The following TMEM181 variants were observed in gnomAD, a reference collection of about 807,000 sequenced individuals.
TMEM181 encodes G protein-coupled receptor 178.
In TMEM181, 39 loss-of-function variants were observed where a neutral mutation model predicts 71.9. The observed-to-expected ratio is 0.54, with a 90% CI of 0.42 to 0.71. The LOEUF (loss-of-function observed/expected upper bound fraction) is 0.71. Among genes scored for constraint, TMEM181 ranks in the 30% least tolerant of loss-of-function variants. The pLI is 0.00. For synonymous variants in TMEM181, 245 were observed against 228.8 expected (o/e 1.07, Z -0.64); for missense variants, 595 against 583.0 (o/e 1.02, Z -0.21).
chr6:158,553,795 T>C (rs9355659), intron 1 of TMEM181, among the ~76,000 whole-genome samples: 93,120 of 152,158 alleles, frequency 0.61, 28,889 homozygotes, highest in East Asian at 0.73. Context: ...TTAATTAATA[T>C]AGAGAGCAAG....
chr6:158,580,425 A>G (rs773530298), intron 2 of TMEM181, among the ~76,000 whole-genome samples: 1 of 152,232 alleles, frequency 6.6e-6, no homozygotes, highest in Non-Finnish European at 1.5e-5. Context: ...ATTGGAAAAA[A>G]AACTATGAGG....
chr6:158,608,449 G>A lies in TMEM181; in HGVS notation c.790G>A (p.Gly264Arg), dbSNP rs904377351. The A allele has an allele frequency of 1.9e-6, 3 of 1,614,206 alleles. No individual in the cohort carries two copies. Among genetic ancestry groups the A allele is most frequent in the Admixed American group, 1.7e-5 (1 of 60,034 alleles). Residue 264 changes from glycine (G) to arginine (R), a missense_variant, in exon 9 of 17, where the codon GGG (glycine) becomes AGG (arginine). Gly to Arg is a moderately radical substitution (Grantham distance 125). Transcript: ENST00000684151. ...LLLFWLCVYH[G>R]IRVQGERKCL... ...GCTCTTCTGGCTGTGCGTGTACCACGGGATTCGTGTCCAGGTGAGCCGGAG... is the reference window on the plus strand; with the variant it reads ...GCTCTTCTGGCTGTGCGTGTACCACAGGATTCGTGTCCAGGTGAGCCGGAG...
In TMEM181 at chr6:158,589,707, C is replaced by T. The variant is rs753473890; in HGVS notation, c.417C>T (p.Tyr139=). Residue 139 remains tyrosine (Y), a synonymous_variant, in exon 6 of 17, where the codon TAC becomes TAT. Transcript: ENST00000684151. ...AGATTATTGTGGCTCACCTTGGCTA[C>T]CTGAACTACACTCAGTATACAGTGA... The part of the protein sequence containing the change: ...CAEIIVAHLG[Y]LNYTQYTVIV... 4.3e-6 allele frequency: 7 copies of T among 1,614,102 alleles called. No homozygotes were observed. The highest frequency in any genetic ancestry group is 1.1e-5 in the South Asian group (1 of 91,074).
chr6:158,613,206 C>A (rs1000834167), intron 10 of TMEM181, among the ~76,000 whole-genome samples: 2 of 152,200 alleles, frequency 1.3e-5, no homozygotes, highest in Admixed American at 1.3e-4. Flanking sequence ...TGAAAAACAT[C>A]AGTCAAGACT....
intron 16 of TMEM181, 85 bp downstream of exon 16, chr6:158,631,474 A>C (rs780000137): frequency 4.1e-5 from 59 of 1,428,356 alleles, no homozygotes; most frequent in Non-Finnish European, 5.3e-5. Flanking sequence ...ACTCTTCTAA[A>C]ATTATTTTCA....
intron 10 of TMEM181, among the ~76,000 whole-genome samples, chr6:158,622,136 C>T (rs973593576): frequency 2.0e-5 from 3 of 152,362 alleles, no homozygotes; most frequent in African/African-American, 7.2e-5. Context: ...ACTCTGACCT[C>T]CCCAGCGCCT....
intron 6 of TMEM181, among the ~76,000 whole-genome samples, chr6:158,593,976 A>G (rs1168746724): frequency 6.6e-6 from 1 of 151,338 alleles, no homozygotes; most frequent in Non-Finnish European, 1.5e-5. Flanking sequence ...AGGATCCACT[A>G]TTTGTAGTAC....
intron 13 of TMEM181, among the ~76,000 whole-genome samples, chr6:158,627,355 C>G (rs1301519919): frequency 1.3e-5 from 2 of 152,236 alleles, no homozygotes; most frequent in Non-Finnish European, 2.9e-5. Context: ...TTACTGAGTG[C>G]CTGTCCTGGC....
intron 13 of TMEM181, 106 bp from the exon 14 acceptor site, chr6:158,628,302 T>A (rs765647958): frequency 5.0e-6 from 5 of 1,008,238 alleles, no homozygotes; most frequent in Admixed American, 1.9e-5. Context: ...GCAGAAATCA[T>A]AGTGTACAGA....
intron 7 of TMEM181, 25 bp downstream of exon 7, chr6:158,605,372 C>G: frequency 6.2e-7 from 1 of 1,605,200 alleles, no homozygotes; most frequent in Non-Finnish European, 8.5e-7. Context: ...CCTGATGGAC[C>G]GCAGCAGATC....
intron 1 of TMEM181, among the ~76,000 whole-genome samples, chr6:158,544,182 A>AGAGAGAGAGAGTGTGTGTGTGTGTGT (rs149735409): frequency 6.0e-4 from 77 of 127,642 alleles, no homozygotes; most frequent in Non-Finnish European, 1.0e-3. Context: ...AATTGGAGAG[A>AGAGAGAGAGAGTGTGTGTGTGTGTGT]GTGTGTGTGT....
At chr6:158,612,719 T>C (rs1159605865) in intron 10 of TMEM181, among the ~76,000 whole-genome samples, 3 of 152,220 alleles carry the variant, frequency 2.0e-5, no homozygotes, top group Non-Finnish European at 2.9e-5. Flanking sequence ...CAGAGGCACA[T>C]GTTTGGAAAG....
intron 1 of TMEM181, among the ~76,000 whole-genome samples, chr6:158,544,202 T>TGTGTGTGTGTGTGTGTGG: frequency 6.6e-6 from 1 of 151,136 alleles, no homozygotes; most frequent in Non-Finnish European, 1.5e-5. Context: ...TGTGTGTGTG[T>TGTGTGTGTGTGTGTGTGG]GTGTGTGTGT....
intron 6 of TMEM181, among the ~76,000 whole-genome samples, chr6:158,595,980 G>GGCGC (rs1784368036): frequency 6.6e-6 from 1 of 152,094 alleles, no homozygotes; most frequent in Non-Finnish European, 1.5e-5. Context: ...GGAGTGCAGT[G>GGCGC]GCGCGATCTC....
In TMEM181 at chr6:158,585,348, G is replaced by GGT. The variant is rs755176803; in HGVS notation, c.307_308dup (p.Ala104Ter). On this transcript the variant is annotated frameshift_variant, in exon 5 of 17. Coordinates refer to ENST00000684151, the MANE Select transcript of TMEM181 (RefSeq NM_001376852.1). LOFTEE classifies it high-confidence loss of function. ...CTTTCCCATGACTGTTAAAGTCGAT[G>GGT]GTGTAGCTCAAGATGGAACCACGAT... 4 of 1,609,502 alleles carry GGT rather than the reference G, an allele frequency of 2.5e-6. No homozygotes were observed. The highest frequency in any genetic ancestry group is 3.4e-6 in the Non-Finnish European group (4 of 1,178,954).
intron 5 of TMEM181, among the ~76,000 whole-genome samples, chr6:158,587,272 G>A (rs1385495408): frequency 6.6e-6 from 1 of 152,210 alleles, no homozygotes; most frequent in African/African-American, 2.4e-5. Flanking sequence ...CTTCTTGGAT[G>A]TGCCCGCCGT....
chr6:158,543,195 C>T (rs1781415434), intron 1 of TMEM181, among the ~76,000 whole-genome samples: 1 of 152,046 alleles, frequency 6.6e-6, no homozygotes, highest in Admixed American at 6.6e-5. Context: ...TTTATTTAAG[C>T]CACGTCTCGC....
upstream of TMEM181, among the ~76,000 whole-genome samples, chr6:158,556,311 C>G (rs1781886881): frequency 6.6e-6 from 1 of 152,236 alleles, no homozygotes; most frequent in African/African-American, 2.4e-5. Flanking sequence ...CACACCCGTT[C>G]TAAGAATCAT....
At chr6:158,575,202 A>G (rs1242537120) in intron 2 of TMEM181, among the ~76,000 whole-genome samples, 1 of 152,132 alleles carries the variant, frequency 6.6e-6, no homozygotes, top group East Asian at 1.9e-4. Context: ...AAATTATCAC[A>G]AGTACTCTGC....
Sources: allele counts gnomAD v4.1 joint callset (sites outside exome capture counted in the v4.1 genomes callset), GRCh38; gene constraint gnomAD v4.1.1; transcripts MANE v1.5; gene names NCBI Gene and HGNC (gene_info 2026-07-23, HGNC 2026-07-21).